HHAT: variants seen among roughly 807,000 people sequenced by gnomAD.
The protein encoded by HHAT is hedgehog acyltransferase, also known as protein-cysteine N-palmitoyltransferase HHAT.
HHAT carries 47 observed loss-of-function variants against 70.8 expected under a neutral mutation model. That is an observed-to-expected ratio of 0.66 (90% CI 0.53 to 0.85). HHAT has a LOEUF of 0.85. Among genes scored for constraint, HHAT ranks in the 40% least tolerant of loss-of-function variants. The pLI, the probability that HHAT is intolerant of heterozygous loss-of-function variation, is 0.00. For missense variants in HHAT, 609 were observed against 604.8 expected (o/e 1.01, Z -0.07); for synonymous variants, 228 against 247.6 (o/e 0.92, Z 0.74).
intron 8 of HHAT, among the ~76,000 whole-genome samples, chr1:210,488,364 C>G (rs908812241): frequency 6.6e-6 from 1 of 152,170 alleles, no homozygotes; most frequent in Non-Finnish European, 1.5e-5. Context: ...TTTCTTTTTA[C>G]TTTTTGCTGT....
chr1:210,451,321 CA>C (rs2093752741), intron 7 of HHAT, among the ~76,000 whole-genome samples: 1 of 152,092 alleles, frequency 6.6e-6, no homozygotes, highest in African/African-American at 2.4e-5. Flanking sequence ...ACTTCTGTGG[CA>C]TAAGATTTCT....
intron 7 of HHAT, among the ~76,000 whole-genome samples, chr1:210,429,093 A>T (rs753867421): frequency 6.6e-6 from 1 of 151,834 alleles, no homozygotes; most frequent in Non-Finnish European, 1.5e-5. Flanking sequence ...TCATAAGATG[A>T]TACTTAAACT....
At chr1:210,395,774 G>A (rs778310083) in intron 4 of HHAT, among the ~76,000 whole-genome samples, 1 of 152,144 alleles carries the variant, frequency 6.6e-6, no homozygotes, top group African/African-American at 2.4e-5. Flanking sequence ...ACATTTTACT[G>A]CTATTTTCTT....
intron 9 of HHAT, among the ~76,000 whole-genome samples, chr1:210,557,799 A>G (rs2095586211): frequency 6.6e-6 from 1 of 152,196 alleles, no homozygotes; most frequent in African/African-American, 2.4e-5. Context: ...TCTGGGAGAT[A>G]CAATTCAAGT....
chr1:210,459,216 C>G (rs2093930068), intron 7 of HHAT, among the ~76,000 whole-genome samples: 1 of 152,124 alleles, frequency 6.6e-6, no homozygotes, highest in African/African-American at 2.4e-5. Flanking sequence ...AGGTCCCAAA[C>G]CTACAGAAGA....
At chr1:210,563,262 A>G (rs1265495593) in intron 9 of HHAT, among the ~76,000 whole-genome samples, 1 of 152,212 alleles carries the variant, frequency 6.6e-6, no homozygotes, top group Non-Finnish European at 1.5e-5. Flanking sequence ...TATAGCTAAG[A>G]AAATGAAGCA....
At chr1:210,467,039 A>G (rs1045564487) in intron 8 of HHAT, among the ~76,000 whole-genome samples, 2 of 152,198 alleles carry the variant, frequency 1.3e-5, no homozygotes, top group African/African-American at 2.4e-5. Flanking sequence ...GCATGTGACA[A>G]AGTAACAAAG....
chr1:210,394,999 G>GTATGTATATATATAATACATATA (rs2091699717), intron 4 of HHAT, among the ~76,000 whole-genome samples: 2 of 148,466 alleles, frequency 1.3e-5, no homozygotes, highest in African/African-American at 4.9e-5. Flanking sequence ...ATATACATAT[G>GTATGTATATATATAATACATATA]TATGTATATA....
chr1:210,338,760 A>G (rs2085739501), intron 1 of HHAT, among the ~76,000 whole-genome samples: 1 of 152,206 alleles, frequency 6.6e-6, no homozygotes, highest in African/African-American at 2.4e-5. Flanking sequence ...ACCATATCAC[A>G]CTATGCTGTC....
At chr1:210,547,788 T>C (rs12079415) in intron 9 of HHAT, among the ~76,000 whole-genome samples, 10,349 of 152,202 alleles carry the variant, frequency 0.068, 705 homozygotes, top group East Asian at 0.31. Context: ...CTCCTGTGAC[T>C]CCAGAACCTC....
At chr1:210,600,692 TA>T (rs1314220588) in intron 10 of HHAT, among the ~76,000 whole-genome samples, 2 of 152,198 alleles carry the variant, frequency 1.3e-5, no homozygotes, top group Non-Finnish European at 2.9e-5. Context: ...TCTGTACAAG[TA>T]CTCTCCAGGG....
At chr1:210,522,919 A>G (rs2095182578) in intron 9 of HHAT, among the ~76,000 whole-genome samples, 1 of 152,170 alleles carries the variant, frequency 6.6e-6, no homozygotes, top group Non-Finnish European at 1.5e-5. Flanking sequence ...TTTCTGGCTC[A>G]AGAAATTGCT....
At chr1:210,617,971 C>T (rs193263818) in intron 10 of HHAT, among the ~76,000 whole-genome samples, 35 of 152,266 alleles carry the variant, frequency 2.3e-4, no homozygotes, top group Non-Finnish European at 3.7e-4. Flanking sequence ...GGGCAAAGAG[C>T]GAGATGGGTG....
intron 9 of HHAT, among the ~76,000 whole-genome samples, chr1:210,532,810 C>T (rs2095328660): frequency 6.6e-6 from 1 of 152,078 alleles, no homozygotes; most frequent in African/African-American, 2.4e-5. Flanking sequence ...ATGATTAAAC[C>T]AGTTAGAAAT....
chr1:210,600,660 T>C (rs1664062640), intron 10 of HHAT, among the ~76,000 whole-genome samples: 1 of 152,144 alleles, frequency 6.6e-6, no homozygotes, highest in Non-Finnish European at 1.5e-5. Context: ...GAGGAGTTAC[T>C]GCTGGAGCAC....
chr1:210,364,261 T>C (rs2148032674), intron 3 of HHAT, among the ~76,000 whole-genome samples: 1 of 152,332 alleles, frequency 6.6e-6, no homozygotes, highest in Non-Finnish European at 1.5e-5. Flanking sequence ...AATAAGAATG[T>C]AATGTGGGTA....
intron 10 of HHAT, among the ~76,000 whole-genome samples, chr1:210,595,817 GTTTT>G (rs1445792454): frequency 6.6e-6 from 1 of 150,708 alleles, no homozygotes; most frequent in Non-Finnish European, 1.5e-5. Flanking sequence ...GGGGTTGTTT[GTTTT>G]TTTTTCTTGT....
At chr1:210,523,927 A>G (rs1463332302) in intron 9 of HHAT, among the ~76,000 whole-genome samples, 3 of 152,264 alleles carry the variant, frequency 2.0e-5, no homozygotes, top group Non-Finnish European at 4.4e-5. Flanking sequence ...TAAATGAGAA[A>G]ACAAGTAAGC....
At chr1:210,565,292 T>C (rs1429870901) in intron 9 of HHAT, among the ~76,000 whole-genome samples, 1 of 152,224 alleles carries the variant, frequency 6.6e-6, no homozygotes, top group Non-Finnish European at 1.5e-5. Flanking sequence ...AGATGCAAGC[T>C]CTGCTGTGAG....
Sources: gnomAD v4.1 joint callset for allele counts (sites outside exome capture counted in the v4.1 genomes callset) on GRCh38, gnomAD v4.1.1 for gene constraint, MANE v1.5 for transcripts, NCBI Gene and HGNC (gene_info 2026-07-23, HGNC 2026-07-21) for gene names.